The following SLC48A1 variants were observed in gnomAD, a reference collection of about 807,000 sequenced individuals.
SLC48A1 encodes solute carrier family 48 member 1, also known as heme transporter HRG1.
SLC48A1 carries 6 observed loss-of-function variants against 14.8 expected under a neutral mutation model. The observed-to-expected ratio is 0.41, with a 90% CI of 0.22 to 0.80. The LOEUF (loss-of-function observed/expected upper bound fraction) is 0.80, where lower values mean the gene tolerates loss of function less well. Among genes scored for constraint, SLC48A1 ranks in the 30% least tolerant of loss-of-function variants. SLC48A1 has a pLI of 0.34. For synonymous variants in SLC48A1, 89 were observed against 90.0 expected, an observed-to-expected ratio of 0.99 and a Z score of 0.06; for missense variants, 165 against 204.8, an observed-to-expected ratio of 0.81 and a Z score of 1.19.
chr12:47,771,262 G>GT (rs1377847129), upstream of SLC48A1, among the ~76,000 whole-genome samples: 7 of 152,110 alleles, frequency 4.6e-5, no homozygotes, highest in African/African-American at 1.7e-4. Context: ...AATTGCTTTT[G>GT]TTTTTATTTT....
chr12:47,775,575 G>A (rs1360701433), intron 1 of SLC48A1, among the ~76,000 whole-genome samples: 1 of 152,220 alleles, frequency 6.6e-6, no homozygotes, highest in Non-Finnish European at 1.5e-5. Flanking sequence ...GAGGGTCTGT[G>A]GCCAGTCAAC....
chr12:47,761,666 C>G (rs140298857), intron 2 of SLC48A1, among the ~76,000 whole-genome samples: 1 of 152,320 alleles, frequency 6.6e-6, no homozygotes, highest in Non-Finnish European at 1.5e-5. Flanking sequence ...CACATGCAAG[C>G]AAGATGGTAA....
intron 1 of SLC48A1, among the ~76,000 whole-genome samples, chr12:47,759,724 G>C: frequency 6.6e-6 from 1 of 152,184 alleles, no homozygotes; most frequent in South Asian, 2.1e-4. Context: ...CTCCTGAGAG[G>C]GTGGAGAGAC....
At chr12:47,758,802 C>T in intron 1 of SLC48A1, 4 of 1,229,974 alleles carry the variant, frequency 3.3e-6, no homozygotes, top group Non-Finnish European at 4.1e-6. Context: ...CAGCCACCGG[C>T]GACAGGGAGC....
chr12:47,771,903 A>C (rs530766921), upstream of SLC48A1, among the ~76,000 whole-genome samples: 419 of 151,726 alleles, frequency 2.8e-3, 2 homozygotes, highest in African/African-American at 9.8e-3. Flanking sequence ...ACTGCACTCT[A>C]GCCTGGGTGA....
rs762699581 is a variant in SLC48A1, at chr12:47,780,487, T to C, written c.*206T>C. ...GTGTGGTAGAGAGGGGATCCTGCCA[T>C]GTTGCTCCTCATCAGCCTGGCCAGA... On this transcript the variant is annotated 3_prime_UTR_variant, in exon 3 of 3. Coordinates refer to ENST00000442218, the MANE Select transcript of SLC48A1 (RefSeq NM_017842.3). The C allele has an allele frequency of 6.1e-6, 5 of 817,080 alleles. No individual in the cohort carries two copies. In the East Asian group the frequency reaches 7.3e-5, roughly 12 times the overall value. The allele number at this position is 817,080 out of a possible 1,614,324, so 50.6% of individuals were successfully genotyped here. A position where few individuals can be genotyped will look rare whatever the true frequency, so the allele number is the denominator to read the frequency against.
chr12:47,760,304 C>T, exon 2 of SLC48A1: 1 of 985,396 alleles, frequency 1.0e-6, no homozygotes, highest in Non-Finnish European at 1.2e-6. Context: ...ATGAATCTGA[C>T]CTCAGACCCA....
In SLC48A1 at chr12:47,780,453, G is replaced by A. The variant is rs774517352; in HGVS notation, c.*172G>A. The A allele has an allele frequency of 6.8e-6, 7 of 1,033,896 alleles. No individual in the cohort carries two copies. The South Asian group carries it at 8.9e-5, about 13-fold the overall frequency. The allele number at this position is 1,033,896 out of a possible 1,614,324, so 64.0% of individuals were successfully genotyped here. On this transcript the variant is annotated 3_prime_UTR_variant, in exon 3 of 3. Coordinates refer to ENST00000442218, the MANE Select transcript of SLC48A1 (RefSeq NM_017842.3). Reference sequence around the variant, plus strand: ...GCTGTCCTGCCCGTCCCCTTTCGAGGAAACCTGAGTGTGGTAGAGAGGGGA... The same window carrying A: ...GCTGTCCTGCCCGTCCCCTTTCGAGAAAACCTGAGTGTGGTAGAGAGGGGA...
upstream of SLC48A1, among the ~76,000 whole-genome samples, chr12:47,771,972 G>C (rs561136365): frequency 6.6e-6 from 1 of 151,250 alleles, no homozygotes; most frequent in Non-Finnish European, 1.5e-5. Flanking sequence ...TTTTCCCCTA[G>C]AGCCTCCAGA....
At chr12:47,773,116 TG>T (rs931938694), upstream of SLC48A1, 4 of 844,584 alleles carry the variant, frequency 4.7e-6, no homozygotes, top group Admixed American at 6.2e-5. Context: ...CGGTGGCGTC[TG>T]CGGTTCCGGG....
Position 47,781,426 on chromosome 12 carries a change from C to G in SLC48A1, c.*1145C>G, listed in dbSNP as rs188572951. ...CACTCCAGCCCCTCTCACTGCCCTTCAACTAGAGCTTTCACCTTTTTACAT... is the reference window on the plus strand; with the variant it reads ...CACTCCAGCCCCTCTCACTGCCCTTGAACTAGAGCTTTCACCTTTTTACAT... On this transcript the variant is annotated 3_prime_UTR_variant, in exon 3 of 3. Transcript: ENST00000442218. 11 of 154,454 alleles carry G rather than the reference C, an allele frequency of 7.1e-5. No homozygotes were observed. The highest frequency in any genetic ancestry group is 3.8e-4 in the Admixed American group (6 of 15,674). 9.6% of individuals were successfully genotyped at this position (154,454 alleles called of 1,614,324 possible). A position where few individuals can be genotyped will look rare whatever the true frequency, so the allele number is the denominator to read the frequency against.
intron 1 of SLC48A1, among the ~76,000 whole-genome samples, chr12:47,775,528 T>A (rs1942731936): frequency 6.6e-6 from 1 of 152,226 alleles, no homozygotes; most frequent in Non-Finnish European, 1.5e-5. Flanking sequence ...TTGCCAAGCC[T>A]GGGCCTCCGA....
At chr12:47,766,512 A>C (rs976320537) in intron 2 of SLC48A1, among the ~76,000 whole-genome samples, 1 of 152,182 alleles carries the variant, frequency 6.6e-6, no homozygotes, top group African/African-American at 2.4e-5. Flanking sequence ...AAGGTGAAAG[A>C]GAATCAGATC....
intron 1 of SLC48A1, chr12:47,778,499 G>A (rs1040114507): frequency 3.2e-5 from 5 of 153,878 alleles, no homozygotes; most frequent in African/African-American, 1.2e-4. Flanking sequence ...GGAGCATGGG[G>A]CAGGAGCATG....
chr12:47,758,858 G>C, intron 1 of SLC48A1: 1 of 1,181,764 alleles, frequency 8.5e-7, no homozygotes, highest in Non-Finnish European at 1.0e-6. Context: ...AGCTGGCACC[G>C]GGCGCTGAAG....
At chr12:47,767,683 G>A (rs1942546100), upstream of SLC48A1, among the ~76,000 whole-genome samples, 1 of 152,178 alleles carries the variant, frequency 6.6e-6, no homozygotes, top group Admixed American at 6.5e-5. Context: ...AACAGAGCGA[G>A]GAATCCTCTG....
In SLC48A1 at chr12:47,780,187, G is replaced by A; in HGVS notation, c.347G>A (p.Ser116Asn). 1 of 1,613,494 alleles carries A rather than the reference G, an allele frequency of 6.2e-7. No homozygotes were observed. Among genetic ancestry groups the A allele is most frequent in the Non-Finnish European group, 8.5e-7 (1 of 1,179,672 alleles). ...AGCTACTACCTCTCCAGCGTCTGGA[G>A]CTTCATTTCCTTCAAGTGGGCCTTC... ...PTSYYLSSVW[S>N]FISFKWAFLL... The change falls in exon 3 of 3, where the codon AGC becomes AAC. Residue 116 changes from serine (S) to asparagine (N), a missense_variant. Coordinates refer to ENST00000442218, the MANE Select transcript of SLC48A1 (RefSeq NM_017842.3).
chr12:47,762,458 A>T (rs143024990), intron 2 of SLC48A1, among the ~76,000 whole-genome samples: 1 of 152,134 alleles, frequency 6.6e-6, no homozygotes, highest in Non-Finnish European at 1.5e-5. Flanking sequence ...TACATTCCTC[A>T]TTCTCCCACA....
chr12:47,759,004 G>A (rs976104569), intron 1 of SLC48A1: 3 of 991,532 alleles, frequency 3.0e-6, no homozygotes, highest in Admixed American at 1.2e-4. Flanking sequence ...CGTAGGGGAA[G>A]GGGGCCGGCA....
Sources: allele counts gnomAD v4.1 joint callset (sites outside exome capture counted in the v4.1 genomes callset), GRCh38; gene constraint gnomAD v4.1.1; transcripts MANE v1.5; gene names NCBI Gene and HGNC (gene_info 2026-07-23, HGNC 2026-07-21).